HARS2: variants seen among roughly 807,000 people sequenced by gnomAD.
HARS2 encodes the protein histidyl-tRNA synthetase 2, mitochondrial.
In HARS2, 40 loss-of-function variants were observed where a neutral mutation model predicts 62.4. The observed-to-expected ratio is 0.64, with a 90% CI of 0.50 to 0.83. The LOEUF is 0.83. HARS2 is among the 40% of genes least tolerant of loss of function. HARS2 has a pLI of 0.00. For missense variants in HARS2, 569 were observed against 626.4 expected (o/e 0.91, Z 0.98); for synonymous variants, 228 against 227.0 (o/e 1.00, Z -0.04).
chr5:140,697,355 A>T lies in HARS2; in HGVS notation c.1146A>T (p.Gly382=). The T allele has an allele frequency of 6.2e-7, 1 of 1,614,060 alleles. No homozygotes were observed. Among genetic ancestry groups the T allele is most frequent in the South Asian group, 1.1e-5 (1 of 91,080 alleles). Residue 382 remains glycine, a synonymous_variant, in exon 10 of 13, where the codon GGA becomes GGT. Transcript: ENST00000230771. ...AGGGCCACAAGGTGCCATGTGTGGGACTCAGCATTGGGGTTGAGCGAATCT... is the reference window on the plus strand; with the variant it reads ...AGGGCCACAAGGTGCCATGTGTGGGTCTCAGCATTGGGGTTGAGCGAATCT... ...DPKGHKVPCV[G]LSIGVERIFY...
Position 140,693,648 on chromosome 5 carries a change from A to T in HARS2, c.166A>T (p.Ile56Phe), listed in dbSNP as rs1272325032. 1 of 1,613,550 alleles carries T rather than the reference A, an allele frequency of 6.2e-7. No homozygotes were observed. The highest frequency in any genetic ancestry group is 8.5e-7 in the Non-Finnish European group (1 of 1,179,694). ...LKAHQEKPNF[I>F]IKTPKGTRDL... The stretch of plus-strand genomic sequence containing the variant: ...AGCACATCAAGAGAAACCAAATTTT[A>T]TTATCAAGACCCCAAAGGTAATACT... Residue 56 changes from isoleucine to phenylalanine, a missense_variant, in exon 2 of 13, where the codon ATT (isoleucine) becomes TTT (phenylalanine). Ile to Phe is a conservative substitution (Grantham distance 21). Transcript: ENST00000230771.
chr5:140,698,558 G>A lies in HARS2; in HGVS notation c.*6G>A. 2.5e-6 allele frequency: 4 copies of A among 1,609,226 alleles called. No individual in the cohort carries two copies. The highest frequency in any genetic ancestry group is 3.4e-6 in the Non-Finnish European group (4 of 1,175,500). On this transcript the variant is annotated 3_prime_UTR_variant, in exon 13 of 13. Coordinates refer to ENST00000230771, the MANE Select transcript of HARS2 (RefSeq NM_012208.4). Reference sequence around the variant, plus strand: ...AGCGACTGTCTGAGTCTTGATCCTTGCCTGATTCCCATCTGCTGCTCTTTG... The same window carrying A: ...AGCGACTGTCTGAGTCTTGATCCTTACCTGATTCCCATCTGCTGCTCTTTG...
intron 1 of HARS2, among the ~76,000 whole-genome samples, chr5:140,693,151 G>A (rs539830372): frequency 4.6e-5 from 7 of 151,912 alleles, no homozygotes; most frequent in South Asian, 2.1e-4. Flanking sequence ...GGCCAACATG[G>A]TGAAACCCCA....
At chr5:140,695,425 C>A in intron 4 of HARS2, 83 bp from the exon 5 acceptor site, 1 of 740,586 alleles carries the variant, frequency 1.4e-6, no homozygotes. Flanking sequence ...TGGATGAGAT[C>A]CAGGCCCAGT....
chr5:140,696,229 C>A, intron 7 of HARS2, 28 bp downstream of exon 7: 1 of 1,426,890 alleles, frequency 7.0e-7, no homozygotes. Flanking sequence ...CTTCAGTAGA[C>A]CCTATCTAGC....
At chr5:140,693,205 C>T (rs993084782) in intron 1 of HARS2, among the ~76,000 whole-genome samples, 3 of 149,444 alleles carry the variant, frequency 2.0e-5, no homozygotes, top group Admixed American at 6.7e-5. Context: ...GGTGGTGGCG[C>T]GCCTGTAGTC....
intron 5 of HARS2, 40 bp downstream of exon 5, chr5:140,695,673 A>G (rs1163527617): frequency 1.5e-5 from 25 of 1,614,142 alleles, no homozygotes; most frequent in Non-Finnish European, 2.0e-5. Flanking sequence ...TGATAGTTCT[A>G]GGGGCCACAA....
intron 5 of HARS2, 34 bp from the exon 6 acceptor site, chr5:140,695,704 T>C (rs1309388612): frequency 1.9e-6 from 3 of 1,613,302 alleles, no homozygotes; most frequent in African/African-American, 2.7e-5. Flanking sequence ...GGCTGGATAA[T>C]GGATGTTTTT....
At position 140,698,091 on chromosome 5, in the gene HARS2, A is replaced by T; in HGVS notation, c.1461+13A>T. The T allele has an allele frequency of 6.2e-7, 1 of 1,613,382 alleles. No homozygotes were observed. Among genetic ancestry groups the T allele is most frequent in the Non-Finnish European group, 8.5e-7 (1 of 1,179,340 alleles). The stretch of plus-strand genomic sequence containing the variant: ...CAGCAGAGAGGAGGTGAGTGGCGGC[A>T]GCAGAAATAGAAGGGACGAAGTATT... On this transcript the variant is annotated intron_variant, in intron 12 of 12. Coordinates refer to ENST00000230771, the MANE Select transcript of HARS2 (RefSeq NM_012208.4).
At chr5:140,695,687 T>C in intron 5 of HARS2, 51 bp from the exon 6 acceptor site, 1 of 1,613,842 alleles carries the variant, frequency 6.2e-7, no homozygotes, top group Non-Finnish European at 8.5e-7. Context: ...GCCACAACCT[T>C]GAAACTGGCT....
chr5:140,696,220 T>C lies in HARS2; in HGVS notation c.732+19T>C. The C allele has an allele frequency of 6.7e-7, 1 of 1,483,226 alleles. No individual in the cohort carries two copies. Among genetic ancestry groups the C allele is most frequent in the Non-Finnish European group, 9.4e-7 (1 of 1,060,288 alleles). The allele number at this position is 1,483,226 out of a possible 1,614,324, so 91.9% of individuals were successfully genotyped here. A position where few individuals can be genotyped will look rare whatever the true frequency, so the allele number is the denominator to read the frequency against. On this transcript the variant is annotated intron_variant, in intron 7 of 12. Coordinates refer to ENST00000230771, the MANE Select transcript of HARS2 (RefSeq NM_012208.4). ...AGACAAGGTAACAAAGAAGACATAC[T>C]TCAGTAGACCCTATCTAGCTTCTGC...
At chr5:140,696,740 T>TTC in intron 8 of HARS2, 126 bp downstream of exon 8, 1 of 946,758 alleles carries the variant, frequency 1.1e-6, no homozygotes. Flanking sequence ...TGAATTTAAT[T>TTC]TCTCTTTTAC....
intron 6 of HARS2, 112 bp downstream of exon 6, chr5:140,695,957 C>G: frequency 1.0e-6 from 1 of 986,402 alleles, no homozygotes; most frequent in Non-Finnish European, 1.6e-6. Context: ...GTAGGACTTT[C>G]CTAGTAAAGC....
rs1393301786 is a variant in HARS2 at position 140,697,217 on chromosome 5, C to G, written c.1008C>G (p.Ile336Met). Reference sequence around the variant, plus strand: ...GCCTAGACTACTATACAGGAGTGATCTATGAAGCAGTGCTGCTGCAGACCC... The same window carrying G: ...GCCTAGACTACTATACAGGAGTGATGTATGAAGCAGTGCTGCTGCAGACCC... ...ARGLDYYTGV[I>M]YEAVLLQTPT... Residue 336 changes from isoleucine to methionine, a missense_variant, in exon 10 of 13, where the codon ATC (isoleucine) becomes ATG (methionine). Physicochemically the swap from Ile to Met is conservative, Grantham distance 10. Coordinates refer to ENST00000230771, the MANE Select transcript of HARS2 (RefSeq NM_012208.4). The G allele has an allele frequency of 6.2e-7, 1 of 1,614,168 alleles. No individual in the cohort carries two copies. Among genetic ancestry groups the G allele is most frequent in the African/African-American group, 1.3e-5 (1 of 75,038 alleles).
rs1265472164 is a variant in HARS2 at position 140,693,992 on chromosome 5, G to C, written c.241G>C (p.Val81Leu). 4 of 1,613,958 alleles carry C rather than the reference G, an allele frequency of 2.5e-6. No individual in the cohort carries two copies. Among genetic ancestry groups the C allele is most frequent in the Non-Finnish European group, 8.5e-7 (1 of 1,179,960 alleles). The change falls in exon 3 of 13, where the codon GTT (valine) becomes CTT (leucine). Residue 81 changes from valine to leucine, a missense_variant. Val to Leu is a conservative substitution (Grantham distance 32). Transcript: ENST00000230771. Reference sequence around the variant, plus strand: ...TGTGAGGGAGAAAATTCTTGATTTGGTTATCAGCTGCTTTAAACGTCATGG... The same window carrying C: ...TGTGAGGGAGAAAATTCTTGATTTGCTTATCAGCTGCTTTAAACGTCATGG... ...MVVREKILDLVISCFKRHGAK... is the reference protein window; with the variant it reads ...MVVREKILDLLISCFKRHGAK...
intron 3 of HARS2, 57 bp downstream of exon 3, chr5:140,694,111 T>C: frequency 6.2e-7 from 1 of 1,611,012 alleles, no homozygotes; most frequent in Middle Eastern, 1.7e-4. Flanking sequence ...TGGCGTTCAG[T>C]GTCCCAAAGG....
At chr5:140,697,800 A>C (rs1759813996) in intron 11 of HARS2, 115 bp downstream of exon 11, 1 of 1,219,106 alleles carries the variant, frequency 8.2e-7, no homozygotes, top group Non-Finnish European at 1.2e-6. Context: ...GCTAGCTACT[A>C]CTGGCTACTA....
chr5:140,695,780 G>A lies in HARS2; in HGVS notation c.568G>A (p.Ala190Thr). The change falls in exon 6 of 13, where the codon GCA becomes ACA. Residue 190 changes from alanine (A) to threonine (T), a missense_variant. Transcript: ENST00000230771. The stretch of plus-strand genomic sequence containing the variant: ...TCAGTTTGACCCTATGATCCCCGAT[G>A]CAGAGTGTTTGAAGATCATGTGTGA... ...AGQFDPMIPDAECLKIMCEIL... is the reference protein window; with the variant it reads ...AGQFDPMIPDTECLKIMCEIL... 6.2e-7 allele frequency: 1 copy of A among 1,614,088 alleles called. No homozygotes were observed. Among genetic ancestry groups the A allele is most frequent in the Non-Finnish European group, 8.5e-7 (1 of 1,179,932 alleles).
chr5:140,697,132 G>A (rs765493417), intron 9 of HARS2, 32 bp from the exon 10 acceptor site: 10 of 1,614,100 alleles, frequency 6.2e-6, no homozygotes, highest in African/African-American at 4.0e-5. Flanking sequence ...CCCGAGTCTA[G>A]TTTGGGACTG....
Sources: gnomAD v4.1 joint callset for allele counts (sites outside exome capture counted in the v4.1 genomes callset) on GRCh38, gnomAD v4.1.1 for gene constraint, MANE v1.5 for transcripts, NCBI Gene and HGNC (gene_info 2026-07-23, HGNC 2026-07-21) for gene names.